DNAH5: variants seen among roughly 807,000 people sequenced by gnomAD.
The protein encoded by DNAH5 is axonemal beta dynein heavy chain 5.
Under a neutral mutation model 518.2 loss-of-function variants are expected in DNAH5, and 372 were observed. The ratio of observed to expected loss-of-function variants is 0.72; its 90% CI spans 0.66 to 0.78. DNAH5 has a LOEUF of 0.78. Ranked by LOEUF, DNAH5 falls within the 30% of genes least tolerant of loss-of-function variation. The pLI, the probability that DNAH5 is intolerant of heterozygous loss-of-function variation, is 0.00. For missense variants in DNAH5, 5,523 were observed against 5,687.0 expected (o/e 0.97, Z 0.93); for synonymous variants, 2,039 against 2,025.9 (o/e 1.01, Z -0.17).
chr5:13,891,403 T>C (rs1000021402), intron 16 of DNAH5, among the ~76,000 whole-genome samples: 2 of 152,246 alleles, frequency 1.3e-5, no homozygotes, highest in Non-Finnish European at 2.9e-5. Context: ...TTTATACATT[T>C]TATAAATGCC....
At chr5:13,786,535 T>C (rs562312951) in intron 51 of DNAH5, among the ~76,000 whole-genome samples, 184 bp from the exon 52 acceptor site, 1 of 152,372 alleles carries the variant, frequency 6.6e-6, no homozygotes, top group East Asian at 1.9e-4. Context: ...TTTGTGATCA[T>C]ATGCAGTCTT....
chr5:13,773,906 G>C (rs1277394688), intron 55 of DNAH5, among the ~76,000 whole-genome samples: 1 of 137,990 alleles, frequency 7.2e-6, no homozygotes, highest in Non-Finnish European at 1.6e-5. Flanking sequence ...GCATTGCATG[G>C]AACACAACTG....
intron 78 of DNAH5, among the ~76,000 whole-genome samples, chr5:13,699,715 T>TATAA (rs897458108): frequency 4.6e-5 from 7 of 152,292 alleles, no homozygotes; most frequent in East Asian, 1.9e-4. Context: ...CTCTGTCTCA[T>TATAA]ATAAATAAAT....
rs576096758 is a variant in DNAH5 at position 13,735,309 on chromosome 5, G to A, written c.11583C>T (p.Ser3861=). ...FDLSLARSVK[S]PITSKRIANI... ...TAGCAATCCTCTTGCTTGTAATCGGGCTCTTGACAGACCTGGTGAATAGAA... is the reference window on the plus strand; with the variant it reads ...TAGCAATCCTCTTGCTTGTAATCGGACTCTTGACAGACCTGGTGAATAGAA... The change falls in exon 68 of 79, where the codon AGC becomes AGT. Residue 3861 remains serine, a synonymous_variant. Transcript: ENST00000265104. The A allele has an allele frequency of 6.2e-7, 1 of 1,613,854 alleles. No individual in the cohort carries two copies. The highest frequency in any genetic ancestry group is 1.3e-5 in the African/African-American group (1 of 74,922).
chr5:13,753,152 T>C, intron 63 of DNAH5, 81 bp downstream of exon 63: 1 of 1,062,530 alleles, frequency 9.4e-7, no homozygotes, highest in Non-Finnish European at 1.5e-6. Context: ...TGTTTTCAAA[T>C]ATTTCTTTAC....
intron 10 of DNAH5, among the ~76,000 whole-genome samples, 179 bp downstream of exon 10, chr5:13,914,341 G>C (rs1231268955): frequency 6.6e-6 from 1 of 151,664 alleles, no homozygotes; most frequent in East Asian, 1.9e-4. Flanking sequence ...TCCCAAGGAG[G>C]GTACAAAAAG....
At chr5:13,701,597 T>G (rs920107597) in intron 76 of DNAH5, among the ~76,000 whole-genome samples, 161 bp from the exon 77 acceptor site, 1 of 152,194 alleles carries the variant, frequency 6.6e-6, no homozygotes, top group African/African-American at 2.4e-5. Flanking sequence ...GGCGTAAGTG[T>G]TTCAAATTAT....
At chr5:13,970,339 G>T (rs1781785043) in intron 1 of DNAH5, among the ~76,000 whole-genome samples, 1 of 152,004 alleles carries the variant, frequency 6.6e-6, no homozygotes, top group Admixed American at 6.6e-5. Context: ...GCTAGTTATT[G>T]CCTGAATACC....
Position 13,786,333 on chromosome 5 carries a change from G to A in DNAH5, c.8666C>T (p.Ala2889Val), listed in dbSNP as rs1381219065. The A allele has an allele frequency of 6.2e-7, 1 of 1,613,932 alleles. No homozygotes were observed. The change falls in exon 52 of 79, where the codon GCT becomes GTT. Residue 2889 changes from alanine (A) to valine (V), a missense_variant. By Grantham distance (64) the Ala-to-Val change is moderately conservative. Around this residue, in one of 3 missense-constraint regions of DNAH5, gnomAD observed 5,121 missense variants for 5,223.3 expected, o/e 0.98. Coordinates refer to ENST00000265104, the MANE Select transcript of DNAH5 (RefSeq NM_001369.3). ...PEAAGETSEE[A>V]DAETPKIYEP... The stretch of plus-strand genomic sequence containing the variant: ...ATAAATTTTAGGTGTTTCAGCATCA[G>A]CCTCTTCAGATGTTTCACCTTTGGT...
rs200005285 is a variant in DNAH5 at position 13,793,746 on chromosome 5, C to T, written c.8011-18G>A. ...TTCGTAACCTACAAAAGACAACTTT[C>T]AGAATTAAAGCATCATTCCTTTCTA... On this transcript the variant is annotated intron_variant, in intron 48 of 78. Transcript: ENST00000265104. 3.2e-5 allele frequency: 51 copies of T among 1,611,138 alleles called. No homozygotes were observed. The East Asian group carries it at 1.0e-3, about 32-fold the overall frequency.
intron 1 of DNAH5, among the ~76,000 whole-genome samples, chr5:13,931,674 AT>A (rs1365901053): frequency 3.3e-5 from 5 of 152,188 alleles, no homozygotes; most frequent in Non-Finnish European, 7.4e-5. Flanking sequence ...ACAGCTACAT[AT>A]TTGGTCTTGA....
At chr5:13,776,030 T>A (rs1302957607) in intron 55 of DNAH5, among the ~76,000 whole-genome samples, 1 of 151,258 alleles carries the variant, frequency 6.6e-6, no homozygotes, top group African/African-American at 2.4e-5. Flanking sequence ...ACTACTTTTA[T>A]GTTCCAATTT....
chr5:13,962,980 CG>C (rs1277660406), intron 1 of DNAH5, among the ~76,000 whole-genome samples: 2 of 152,094 alleles, frequency 1.3e-5, no homozygotes, highest in African/African-American at 4.8e-5. Context: ...CCACAGTCGC[CG>C]CGTCCCAAGA....
intron 1 of DNAH5, among the ~76,000 whole-genome samples, chr5:13,959,733 T>G (rs1781025545): frequency 6.6e-6 from 1 of 152,162 alleles, no homozygotes; most frequent in Non-Finnish European, 1.5e-5. Flanking sequence ...TTTGGAAGGC[T>G]GAGGCAGGCA....
At chr5:13,792,807 G>T (rs780883043) in intron 49 of DNAH5, among the ~76,000 whole-genome samples, 8 of 152,136 alleles carry the variant, frequency 5.3e-5, no homozygotes, top group Non-Finnish European at 1.0e-4. Flanking sequence ...TGACATTTTC[G>T]TTTGCCAGAA....
intron 1 of DNAH5, among the ~76,000 whole-genome samples, chr5:13,976,930 A>T (rs1782306193): frequency 6.6e-6 from 1 of 152,234 alleles, no homozygotes; most frequent in Admixed American, 6.5e-5. Flanking sequence ...GTCTGGTTAT[A>T]TAAAACTTCC....
chr5:13,954,813 T>C (rs562439050), intron 1 of DNAH5, among the ~76,000 whole-genome samples: 4 of 152,312 alleles, frequency 2.6e-5, no homozygotes, highest in South Asian at 2.1e-4. Flanking sequence ...GCCTTCCACA[T>C]TGGGACATCT....
intron 1 of DNAH5, among the ~76,000 whole-genome samples, chr5:13,950,439 G>T (rs1347470061): frequency 6.6e-6 from 1 of 152,120 alleles, no homozygotes; most frequent in East Asian, 1.9e-4. Flanking sequence ...ACCACGCCTG[G>T]CTAATTTTGT....
Position 13,758,936 on chromosome 5 carries a change from A to T in DNAH5, c.10329T>A (p.Asp3443Glu), listed in dbSNP as rs189836804. The change falls in exon 61 of 79, where the codon GAT (aspartate) becomes GAA (glutamate). Residue 3443 changes from aspartate to glutamate, a missense_variant. Around this residue, in one of 3 missense-constraint regions of DNAH5, gnomAD observed 5,121 missense variants for 5,223.3 expected, o/e 0.98. Coordinates refer to ENST00000265104, the MANE Select transcript of DNAH5 (RefSeq NM_001369.3). ...QENRHLLAMQ[D>E]LQKAQAELDD... ...CCAACTCGGCCTGGGCTTTCTGCAGATCCTGCATGGCCAGGAGATGGCGAT... is the reference window on the plus strand; with the variant it reads ...CCAACTCGGCCTGGGCTTTCTGCAGTTCCTGCATGGCCAGGAGATGGCGAT... The T allele has an allele frequency of 6.2e-7, 1 of 1,614,130 alleles. No individual in the cohort carries two copies. The highest frequency in any genetic ancestry group is 2.2e-5 in the East Asian group (1 of 44,880).
Sources: gnomAD v4.1 joint callset for allele counts (sites outside exome capture counted in the v4.1 genomes callset) on GRCh38, gnomAD v4.1.1 for gene constraint, gnomAD v4.1.1 regional missense constraint, MANE v1.5 for transcripts, NCBI Gene and HGNC (gene_info 2026-07-23, HGNC 2026-07-21) for gene names.